UNC5D: variants seen among roughly 807,000 people sequenced by gnomAD.
The protein encoded by UNC5D is netrin receptor UNC5D.
A neutral mutation model predicts 105.4 loss-of-function variants in UNC5D; 39 were observed. The observed-to-expected ratio is 0.37, with a 90% confidence interval of 0.29 to 0.48. UNC5D has a LOEUF of 0.48. UNC5D is among the 20% of genes least tolerant of loss of function. The pLI is 0.98. For missense variants in UNC5D, 991 were observed against 1,202.4 expected (o/e 0.82, Z 2.60); for synonymous variants, 452 against 450.4 (o/e 1.00, Z -0.04).
intron 1 of UNC5D, among the ~76,000 whole-genome samples, chr8:35,385,812 A>C (rs1803358722): frequency 1.3e-5 from 2 of 152,158 alleles, no homozygotes; most frequent in South Asian, 4.1e-4. Context: ...CTTCAGATTT[A>C]TGCAGAAATT....
chr8:35,793,465 A>T lies in UNC5D; in HGVS notation c.*2902A>T, dbSNP rs1177840078. On this transcript the variant is annotated 3_prime_UTR_variant, in exon 17 of 17. Coordinates refer to ENST00000404895, the MANE Select transcript of UNC5D (RefSeq NM_080872.4). ...CCTATTGCAAAATGAAACAAAATTA[A>T]AAGTGGCCTCGAGTACTTGGTAAGT... The T allele has an allele frequency of 6.2e-6, 1 of 161,294 alleles. No individual in the cohort carries two copies. Among genetic ancestry groups the T allele is most frequent in the Admixed American group, 6.4e-5 (1 of 15,710 alleles). The allele number at this position is 161,294 out of a possible 1,614,324, so 10.0% of individuals were successfully genotyped here. A position where few individuals can be genotyped will look rare whatever the true frequency, so the allele number is the denominator to read the frequency against.
chr8:35,460,321 G>A (rs1808802474), intron 1 of UNC5D, among the ~76,000 whole-genome samples: 1 of 152,130 alleles, frequency 6.6e-6, no homozygotes, highest in Non-Finnish European at 1.5e-5. Flanking sequence ...AGGCTTTCTT[G>A]ACAGCTTGAG....
intron 1 of UNC5D, among the ~76,000 whole-genome samples, chr8:35,365,497 C>T (rs956682194): frequency 9.6e-5 from 14 of 146,018 alleles, no homozygotes; most frequent in African/African-American, 3.5e-4. Context: ...GCCCCTACAA[C>T]ATGTACTGCC....
intron 16 of UNC5D, among the ~76,000 whole-genome samples, chr8:35,775,414 G>A: frequency 6.6e-6 from 1 of 152,122 alleles, no homozygotes; most frequent in East Asian, 1.9e-4. Flanking sequence ...AGGTAAGACA[G>A]GCAGGGGTGA....
At chr8:35,488,130 T>G (rs998026105) in intron 1 of UNC5D, among the ~76,000 whole-genome samples, 13 of 152,096 alleles carry the variant, frequency 8.5e-5, no homozygotes, top group African/African-American at 3.1e-4. Flanking sequence ...TGAGAAAATG[T>G]GTACTGGAGA....
intron 11 of UNC5D, among the ~76,000 whole-genome samples, chr8:35,742,226 A>G (rs1829797790): frequency 1.3e-5 from 2 of 151,886 alleles, no homozygotes; most frequent in South Asian, 4.2e-4. Flanking sequence ...GGTCAGAGCA[A>G]TTGAGTAGGA....
At chr8:35,249,905 C>T (rs1563249675) in intron 1 of UNC5D, among the ~76,000 whole-genome samples, 1 of 151,946 alleles carries the variant, frequency 6.6e-6, no homozygotes, top group Non-Finnish European at 1.5e-5. Flanking sequence ...TCTACAAATC[C>T]CTTGTCTTCA....
intron 1 of UNC5D, among the ~76,000 whole-genome samples, chr8:35,533,193 C>G (rs567236953): frequency 5.9e-5 from 9 of 152,276 alleles, no homozygotes; most frequent in Middle Eastern, 6.8e-3. Flanking sequence ...TACTTTTGGT[C>G]TTTGATGCTG....
intron 1 of UNC5D, among the ~76,000 whole-genome samples, chr8:35,404,218 G>C (rs1453740364): frequency 6.6e-6 from 1 of 152,170 alleles, no homozygotes; most frequent in Non-Finnish European, 1.5e-5. Flanking sequence ...GCTGGAAGAG[G>C]AGTTTGCCCA....
At chr8:35,337,043 A>G (rs554370744) in intron 1 of UNC5D, among the ~76,000 whole-genome samples, 1 of 152,304 alleles carries the variant, frequency 6.6e-6, no homozygotes, top group African/African-American at 2.4e-5. Context: ...TCCCTGAGTA[A>G]TATTCAAAAT....
At chr8:35,552,780 G>A (rs1816261558) in intron 2 of UNC5D, among the ~76,000 whole-genome samples, 1 of 152,176 alleles carries the variant, frequency 6.6e-6, no homozygotes, top group Non-Finnish European at 1.5e-5. Flanking sequence ...GAGGCCTGGT[G>A]CTGGGAGAGA....
chr8:35,433,509 AT>A (rs1299450522), intron 1 of UNC5D, among the ~76,000 whole-genome samples: 24 of 152,196 alleles, frequency 1.6e-4, no homozygotes, highest in Non-Finnish European at 3.5e-4. Flanking sequence ...TTCAAAAAAA[AT>A]AATAAAAATT....
chr8:35,389,738 TAA>T (rs5890808), intron 1 of UNC5D, among the ~76,000 whole-genome samples: 11,345 of 126,562 alleles, frequency 0.09, 492 homozygotes, highest in Middle Eastern at 0.11. Context: ...CTGGCTGATT[TAA>T]AAAAAAAAAA....
At chr8:35,551,802 G>A (rs1320758500) in intron 2 of UNC5D, among the ~76,000 whole-genome samples, 1 of 149,636 alleles carries the variant, frequency 6.7e-6, no homozygotes, top group Non-Finnish European at 1.5e-5. Flanking sequence ...GGGTGACAGA[G>A]CAAGACTCCG....
chr8:35,537,333 T>C (rs998129712), intron 1 of UNC5D, among the ~76,000 whole-genome samples: 13 of 152,138 alleles, frequency 8.5e-5, no homozygotes, highest in African/African-American at 3.1e-4. Flanking sequence ...ATGAGGAAAA[T>C]TGCTAAGCTT....
chr8:35,658,665 T>C (rs1323704855), intron 4 of UNC5D, among the ~76,000 whole-genome samples: 1 of 148,608 alleles, frequency 6.7e-6, no homozygotes, highest in Non-Finnish European at 1.5e-5. Context: ...TTTTTTTTTT[T>C]TCTGGAGATG....
At chr8:35,442,609 T>A (rs78219695) in intron 1 of UNC5D, among the ~76,000 whole-genome samples, 4,287 of 152,000 alleles carry the variant, frequency 0.028, 222 homozygotes, top group African/African-American at 0.098. Flanking sequence ...ATAGAATAGT[T>A]TGTTTAGTAG....
At chr8:35,680,584 T>G (rs2131325029) in intron 4 of UNC5D, among the ~76,000 whole-genome samples, 1 of 152,320 alleles carries the variant, frequency 6.6e-6, no homozygotes, top group South Asian at 2.1e-4. Context: ...TTTTCCTAGT[T>G]TGTTGGCCTC....
At chr8:35,503,363 C>T (rs749072531) in intron 1 of UNC5D, among the ~76,000 whole-genome samples, 12 of 152,110 alleles carry the variant, frequency 7.9e-5, no homozygotes, top group Non-Finnish European at 1.5e-4. Context: ...GAATGAGAGC[C>T]GCGTCAAAGG....
Sources: gnomAD v4.1 joint callset for allele counts (sites outside exome capture counted in the v4.1 genomes callset) on GRCh38, gnomAD v4.1.1 for gene constraint, MANE v1.5 for transcripts, NCBI Gene and HGNC (gene_info 2026-07-23, HGNC 2026-07-21) for gene names.